SNX29: variants seen among roughly 807,000 people sequenced by gnomAD.
SNX29 encodes the protein sorting nexin 29, also known as sorting nexin-29.
Under a neutral mutation model 102.1 loss-of-function variants are expected in SNX29, and 78 were observed. The observed-to-expected ratio is 0.76, with a 90% CI of 0.64 to 0.92. SNX29 has a LOEUF of 0.92. Ranked by LOEUF, SNX29 falls within the 40% of genes least tolerant of loss-of-function variation. The probability of loss-of-function intolerance (pLI) is 0.00; values close to 1 mark genes in which losing one functional copy is unlikely to be tolerated. For missense variants in SNX29, 1,280 were observed against 1,061.7 expected, an observed-to-expected ratio of 1.21 and a Z score of -2.86; for synonymous variants, 580 against 414.5, an observed-to-expected ratio of 1.40 and a Z score of -4.85.
intron 12 of SNX29, among the ~76,000 whole-genome samples, chr16:12,128,731 C>T (rs919899293): frequency 4.6e-5 from 7 of 152,102 alleles, no homozygotes; most frequent in East Asian, 1.9e-4. Flanking sequence ...GGATTACAGG[C>T]GTGAGCCACC....
chr16:12,156,135 C>T (rs1196638716), intron 13 of SNX29, among the ~76,000 whole-genome samples: 1 of 152,256 alleles, frequency 6.6e-6, no homozygotes, highest in Non-Finnish European at 1.5e-5. Context: ...CCTCTTCCCC[C>T]AGAGAGCTTC....
chr16:12,404,025 C>T (rs1182374795), intron 18 of SNX29, among the ~76,000 whole-genome samples: 2 of 152,322 alleles, frequency 1.3e-5, no homozygotes, highest in Middle Eastern at 3.4e-3. Context: ...CCTCTTCCTA[C>T]ACCTTGGGGT....
At chr16:12,561,838 G>A (rs561484195) in intron 20 of SNX29, among the ~76,000 whole-genome samples, 2 of 152,308 alleles carry the variant, frequency 1.3e-5, no homozygotes, top group African/African-American at 4.8e-5. Context: ...CTCCCTGCAG[G>A]GGAGGGGAGG....
intron 18 of SNX29, chr16:12,443,134 C>T: frequency 2.4e-6 from 1 of 423,248 alleles, no homozygotes; most frequent in Non-Finnish European, 4.7e-6. Context: ...TGCCTAAATC[C>T]TGCCGGGCCT....
intron 14 of SNX29, among the ~76,000 whole-genome samples, chr16:12,271,908 C>T (rs1267960015): frequency 6.6e-6 from 1 of 152,184 alleles, no homozygotes; most frequent in Non-Finnish European, 1.5e-5. Flanking sequence ...CAGGTGTGAA[C>T]CACTGTGCCC....
At chr16:12,546,184 GAATGT>G (rs1342901217) in intron 20 of SNX29, 4 of 152,214 alleles carry the variant, frequency 2.6e-5, no homozygotes, top group African/African-American at 9.7e-5. Flanking sequence ...CTGGTGCAGG[GAATGT>G]AAAGTAACGA....
chr16:12,138,369 A>G (rs1167916589), intron 13 of SNX29, among the ~76,000 whole-genome samples: 5 of 151,846 alleles, frequency 3.3e-5, no homozygotes, highest in African/African-American at 1.2e-4. Context: ...CACCATGCCC[A>G]GCTCATTTGT....
chr16:12,500,482 T>G (rs2089062831), intron 19 of SNX29, among the ~76,000 whole-genome samples: 1 of 152,244 alleles, frequency 6.6e-6, no homozygotes, highest in African/African-American at 2.4e-5. Context: ...GGGCTCCTTT[T>G]GCTGTCAACC....
chr16:12,564,002 T>TCTTCC (rs906200688), intron 20 of SNX29, among the ~76,000 whole-genome samples: 6 of 152,164 alleles, frequency 3.9e-5, no homozygotes, highest in African/African-American at 1.4e-4. Context: ...TGCAGCACCC[T>TCTTCC]CTTCCCCCAG....
chr16:12,200,823 A>G (rs2076896612), intron 14 of SNX29, among the ~76,000 whole-genome samples: 2 of 152,160 alleles, frequency 1.3e-5, no homozygotes, highest in Admixed American at 1.3e-4. Flanking sequence ...CACTGAATTC[A>G]TGCTCACCCA....
rs28470637 is a variant in SNX29, at chr16:12,572,438, C to G, written c.*3809C>G. ...GCCCAGGCCGGCAGTGGCTGCCTCT[C>G]TTGGTTCTGCATGGTACATTTTGCC... On this transcript the variant is annotated 3_prime_UTR_variant, in exon 21 of 21. Coordinates refer to ENST00000566228, the MANE Select transcript of SNX29 (RefSeq NM_032167.5). 5.6e-6 allele frequency: 6 copies of G among 1,062,950 alleles called. No homozygotes were observed. The African/African-American group carries it at 6.6e-5, about 12-fold the overall frequency. 65.8% of individuals were successfully genotyped at this position (1,062,950 alleles called of 1,614,324 possible).
At chr16:12,045,930 G>T in intron 5 of SNX29, among the ~76,000 whole-genome samples, 1 of 151,938 alleles carries the variant, frequency 6.6e-6, no homozygotes, top group Non-Finnish European at 1.5e-5. Context: ...GGCCAAGGCA[G>T]GCATTATATT....
chr16:12,117,705 A>G (rs2053792485), intron 11 of SNX29, among the ~76,000 whole-genome samples: 1 of 152,226 alleles, frequency 6.6e-6, no homozygotes, highest in Non-Finnish European at 1.5e-5. Context: ...TGATGGTTGC[A>G]CAACATTTTG....
chr16:12,066,363 T>C (rs1489656183), intron 9 of SNX29, among the ~76,000 whole-genome samples: 1 of 152,162 alleles, frequency 6.6e-6, no homozygotes, highest in African/African-American at 2.4e-5. Flanking sequence ...TGGATCCCCC[T>C]GGCTCTGTGA....
intron 1 of SNX29, among the ~76,000 whole-genome samples, chr16:11,986,905 C>T (rs899969830): frequency 2.0e-5 from 3 of 152,132 alleles, no homozygotes; most frequent in African/African-American, 7.2e-5. Context: ...CTGGATTTGG[C>T]TCGGGGGCTA....
chr16:12,487,536 C>G (rs2088308009), intron 19 of SNX29, among the ~76,000 whole-genome samples: 1 of 152,198 alleles, frequency 6.6e-6, no homozygotes, highest in Admixed American at 6.5e-5. Context: ...TTGAGCCGAA[C>G]TCTGCAAATG....
intron 18 of SNX29, among the ~76,000 whole-genome samples, chr16:12,420,398 A>G (rs2084824636): frequency 6.6e-6 from 1 of 152,192 alleles, no homozygotes; most frequent in African/African-American, 2.4e-5. Flanking sequence ...GAATCAGTAA[A>G]ATCAGGGTGT....
intron 11 of SNX29, among the ~76,000 whole-genome samples, chr16:12,095,860 G>A (rs1051865465): frequency 1.3e-5 from 2 of 152,256 alleles, no homozygotes; most frequent in African/African-American, 4.8e-5. Flanking sequence ...TCAATAGGCT[G>A]TGTTGAGGGG....
chr16:12,335,140 G>A (rs2081409529), intron 15 of SNX29, among the ~76,000 whole-genome samples: 1 of 151,984 alleles, frequency 6.6e-6, no homozygotes, highest in Non-Finnish European at 1.5e-5. Context: ...GGTGTCCCAG[G>A]ACAGAGGGGC....
Sources: allele counts gnomAD v4.1 joint callset (sites outside exome capture counted in the v4.1 genomes callset), GRCh38; gene constraint gnomAD v4.1.1; transcripts MANE v1.5; gene names NCBI Gene and HGNC (gene_info 2026-07-23, HGNC 2026-07-21).